The following CNTNAP5 variants were observed in gnomAD, a reference collection of about 807,000 sequenced individuals.
CNTNAP5 encodes contactin associated protein family member 5.
CNTNAP5 carries 72 observed loss-of-function variants against 150.2 expected under a neutral mutation model. That is an observed-to-expected ratio of 0.48 (90% CI 0.40 to 0.58). CNTNAP5 has a LOEUF of 0.58. CNTNAP5 is among the 20% of genes least tolerant of loss of function. The probability of loss-of-function intolerance (pLI) is 0.00; values close to 1 mark genes in which losing one functional copy is unlikely to be tolerated. For synonymous variants in CNTNAP5, 672 were observed against 619.8 expected (o/e 1.08, Z -1.25); for missense variants, 1,636 against 1,626.2 (o/e 1.01, Z -0.10).
chr2:124,774,378 A>G (rs1681275563), intron 17 of CNTNAP5, among the ~76,000 whole-genome samples: 2 of 152,172 alleles, frequency 1.3e-5, no homozygotes, highest in South Asian at 4.1e-4. Flanking sequence ...AAAAGAAAGC[A>G]AGTAATAGAG....
intron 16 of CNTNAP5, 95 bp downstream of exon 16, chr2:124,764,242 C>A: frequency 1.1e-6 from 1 of 900,112 alleles, no homozygotes; most frequent in South Asian, 1.5e-5. Flanking sequence ...TTTGTACCAG[C>A]AAATTAATCT....
intron 17 of CNTNAP5, among the ~76,000 whole-genome samples, chr2:124,785,054 A>C (rs1310920554): frequency 2.0e-5 from 3 of 150,424 alleles, no homozygotes; most frequent in African/African-American, 4.8e-5. Flanking sequence ...AAAAAAAAAA[A>C]AAACAAAAGA....
chr2:124,420,240 C>A (rs189444083), intron 4 of CNTNAP5, among the ~76,000 whole-genome samples: 1 of 151,836 alleles, frequency 6.6e-6, no homozygotes, highest in Admixed American at 6.6e-5. Flanking sequence ...ACACCCAGCT[C>A]GGCCTCCCAA....
chr2:124,770,915 A>G (rs1313398410), intron 16 of CNTNAP5, among the ~76,000 whole-genome samples: 1 of 152,222 alleles, frequency 6.6e-6, no homozygotes, highest in Non-Finnish European at 1.5e-5. Flanking sequence ...TACAGACAAG[A>G]AAATTAAGGC....
chr2:124,798,390 A>G, intron 19 of CNTNAP5, 70 bp downstream of exon 19: 13 of 1,106,368 alleles, frequency 1.2e-5, no homozygotes, highest in Non-Finnish European at 1.5e-5. Flanking sequence ...GCCCTCCAGA[A>G]CTCTGCATAA....
At chr2:124,132,137 G>A (rs1683866397) in intron 1 of CNTNAP5, among the ~76,000 whole-genome samples, 1 of 152,196 alleles carries the variant, frequency 6.6e-6, no homozygotes, top group South Asian at 2.1e-4. Flanking sequence ...TGTACCGACA[G>A]TGCCATTGGG....
intron 1 of CNTNAP5, among the ~76,000 whole-genome samples, chr2:124,103,417 C>G (rs1314308813): frequency 6.6e-6 from 1 of 151,920 alleles, no homozygotes; most frequent in Non-Finnish European, 1.5e-5. Context: ...CCTAGGCCTT[C>G]ACATTCACTC....
chr2:124,401,616 T>C (rs1691427315), intron 3 of CNTNAP5, among the ~76,000 whole-genome samples: 1 of 152,234 alleles, frequency 6.6e-6, no homozygotes, highest in Non-Finnish European at 1.5e-5. Context: ...TACCTTAAAA[T>C]AACTTTATCA....
chr2:124,866,312 T>G (rs1289689440), intron 20 of CNTNAP5, among the ~76,000 whole-genome samples: 2 of 152,048 alleles, frequency 1.3e-5, no homozygotes, highest in African/African-American at 4.8e-5. Context: ...CCACAGCAGA[T>G]CTATTAAATT....
intron 2 of CNTNAP5, among the ~76,000 whole-genome samples, chr2:124,230,569 T>G (rs922776358): frequency 4.6e-5 from 7 of 151,796 alleles, no homozygotes; most frequent in African/African-American, 1.5e-4. Flanking sequence ...TCTCACTCTG[T>G]CACCCAGGCT....
chr2:124,385,990 A>G (rs1451614734), intron 3 of CNTNAP5, among the ~76,000 whole-genome samples: 1 of 151,620 alleles, frequency 6.6e-6, no homozygotes, highest in East Asian at 2.0e-4. Context: ...CGTAGACAAC[A>G]TCGATGTTTG....
At chr2:124,351,775 AAGG>A (rs1689879942) in intron 3 of CNTNAP5, among the ~76,000 whole-genome samples, 1 of 152,186 alleles carries the variant, frequency 6.6e-6, no homozygotes, top group Non-Finnish European at 1.5e-5. Flanking sequence ...TTGGGAATAA[AAGG>A]AGATCAGCCG....
chr2:124,898,774 T>A (rs1678358130), intron 21 of CNTNAP5, among the ~76,000 whole-genome samples: 1 of 151,610 alleles, frequency 6.6e-6, no homozygotes, highest in Admixed American at 6.6e-5. Context: ...TGAGGGGCAC[T>A]GAAGCCAGGC....
Position 124,686,739 on chromosome 2 carries a change from G to C in CNTNAP5, c.2077+38781G>C, listed in dbSNP as rs75629322. 9.1e-3 allele frequency among the ~76,000 whole-genome samples: 1,382 copies of C among 152,278 alleles called. 20 individuals are homozygous for C. Among genetic ancestry groups the C allele is most frequent in the African/African-American group, 0.032 (1,326 of 41,558 alleles). Reference sequence around the variant, plus strand: ...GCTTTAAAGCCACAGCATATTTGGGGTGGTTTGTTATGCAGCAATAGATAT... The same window carrying C: ...GCTTTAAAGCCACAGCATATTTGGGCTGGTTTGTTATGCAGCAATAGATAT... On this transcript the variant is annotated intron_variant, in intron 13 of 23. Transcript: ENST00000682447.
At chr2:124,434,382 A>G (rs1692470303) in intron 4 of CNTNAP5, 102 bp from the exon 5 acceptor site, 1 of 923,384 alleles carries the variant, frequency 1.1e-6, no homozygotes, top group Non-Finnish European at 1.7e-6. Flanking sequence ...GCAGATCTCA[A>G]GAACATTTCT....
At chr2:124,399,957 C>T (rs995365398) in intron 3 of CNTNAP5, among the ~76,000 whole-genome samples, 4 of 152,120 alleles carry the variant, frequency 2.6e-5, no homozygotes, top group African/African-American at 7.2e-5. Context: ...TCCTCTTAAA[C>T]TAATGACATT....
At chr2:124,047,130 T>TA (rs567387964) in intron 1 of CNTNAP5, among the ~76,000 whole-genome samples, 99 of 152,308 alleles carry the variant, frequency 6.5e-4, no homozygotes, top group Non-Finnish European at 9.4e-4. Flanking sequence ...ATCCAACACT[T>TA]ACTACAGACT....
In CNTNAP5 at chr2:124,089,822, C is replaced by G. The variant is rs116319044; in HGVS notation, c.82+64090C>G. ...AGAGTGTTTACAAGGGCAATGGATGCCTGGAATTTCCTGGCCTCACTATTA... is the reference window on the plus strand; with the variant it reads ...AGAGTGTTTACAAGGGCAATGGATGGCTGGAATTTCCTGGCCTCACTATTA... On this transcript the variant is annotated intron_variant, in intron 1 of 23. Coordinates refer to ENST00000682447, the MANE Select transcript of CNTNAP5 (RefSeq NM_001367498.1). Among the ~76,000 whole-genome samples, 564 of 152,284 alleles carry G rather than the reference C, an allele frequency of 3.7e-3. 4 individuals are homozygous for G. The highest frequency in any genetic ancestry group is 0.013 in the African/African-American group (540 of 41,558).
chr2:124,804,076 A>G (rs1298379390), intron 19 of CNTNAP5, among the ~76,000 whole-genome samples: 1 of 152,248 alleles, frequency 6.6e-6, no homozygotes, highest in East Asian at 1.9e-4. Context: ...TAAAATTCCC[A>G]GTAGTCTTTT....
Sources: gnomAD v4.1 joint callset for allele counts (sites outside exome capture counted in the v4.1 genomes callset) on GRCh38, gnomAD v4.1.1 for gene constraint, MANE v1.5 for transcripts, NCBI Gene and HGNC (gene_info 2026-07-23, HGNC 2026-07-21) for gene names.